TMTC4: variants seen among roughly 807,000 people sequenced by gnomAD.
The protein encoded by TMTC4 is transmembrane O-mannosyltransferase targeting cadherins 4.
Under a neutral mutation model 86.0 loss-of-function variants are expected in TMTC4, and 65 were observed. The observed-to-expected ratio is 0.76, with a 90% CI of 0.62 to 0.93. TMTC4 has a LOEUF of 0.93. TMTC4 is among the 40% of genes least tolerant of loss of function. The pLI is 0.00. For missense variants in TMTC4, 866 were observed against 948.1 expected (o/e 0.91, Z 1.14); for synonymous variants, 379 against 382.5 (o/e 0.99, Z 0.11).
chr13:100,646,801 G>A (rs1034300164), intron 6 of TMTC4, among the ~76,000 whole-genome samples: 2 of 152,060 alleles, frequency 1.3e-5, no homozygotes, highest in African/African-American at 4.8e-5. Context: ...TCACAATAAG[G>A]AGCCACAACA....
intron 6 of TMTC4, among the ~76,000 whole-genome samples, chr13:100,642,821 C>T (rs1883206765): frequency 6.6e-6 from 1 of 152,202 alleles, no homozygotes; most frequent in African/African-American, 2.4e-5. Context: ...GATGGGTCTG[C>T]TCTGCTCCCT....
At chr13:100,666,233 C>T (rs1886383385) in intron 3 of TMTC4, 2 of 347,934 alleles carry the variant, frequency 5.7e-6, no homozygotes, top group Admixed American at 3.8e-5. Flanking sequence ...AAGGCAACTC[C>T]ACACTGCAAG....
At chr13:100,665,865 C>T (rs899817587) in intron 3 of TMTC4, 20 of 336,326 alleles carry the variant, frequency 5.9e-5, no homozygotes, top group Non-Finnish European at 1.1e-4. Flanking sequence ...CTTCAGAAGC[C>T]AGGAGCACAC....
intron 12 of TMTC4, 110 bp from the exon 13 acceptor site, chr13:100,626,260 A>G: frequency 2.4e-5 from 27 of 1,136,972 alleles, no homozygotes; most frequent in Non-Finnish European, 3.5e-5. Context: ...AGGAAAAAAA[A>G]TCACCCACCA....
chr13:100,623,482 C>T (rs765378905), intron 15 of TMTC4, among the ~76,000 whole-genome samples: 1 of 152,222 alleles, frequency 6.6e-6, no homozygotes, highest in Non-Finnish European at 1.5e-5. Context: ...ATCCGCCCGC[C>T]TTGGCCTCCC....
chr13:100,641,380 G>T (rs1164802862), intron 7 of TMTC4, among the ~76,000 whole-genome samples: 1 of 152,206 alleles, frequency 6.6e-6, no homozygotes, highest in Non-Finnish European at 1.5e-5. Flanking sequence ...ATAACCATAG[G>T]TAACCGCTGG....
At chr13:100,619,661 ATGT>A (rs1221964172) in intron 15 of TMTC4, among the ~76,000 whole-genome samples, 1 of 152,250 alleles carries the variant, frequency 6.6e-6, no homozygotes, top group Non-Finnish European at 1.5e-5. Flanking sequence ...TTTGCTAAAG[ATGT>A]TGTGGGAATT....
intron 15 of TMTC4, among the ~76,000 whole-genome samples, chr13:100,614,726 C>T (rs1878202058): frequency 6.6e-6 from 1 of 152,280 alleles, no homozygotes; most frequent in South Asian, 2.1e-4. Context: ...GGAATAAGAA[C>T]AAGGTCCGAA....
chr13:100,626,857 G>T (rs1880622260), intron 12 of TMTC4, among the ~76,000 whole-genome samples: 1 of 152,198 alleles, frequency 6.6e-6, no homozygotes, highest in Non-Finnish European at 1.5e-5. Flanking sequence ...AAATTCAGAT[G>T]TTGAAATCCT....
intron 6 of TMTC4, among the ~76,000 whole-genome samples, chr13:100,646,216 G>A (rs1043659466): frequency 1.3e-5 from 2 of 152,164 alleles, no homozygotes; most frequent in African/African-American, 4.8e-5. Flanking sequence ...GCCTGTTCAC[G>A]GCTGGACGGC....
chr13:100,614,968 C>T, intron 15 of TMTC4: 1 of 984,552 alleles, frequency 1.0e-6, no homozygotes, highest in African/African-American at 1.7e-5. Flanking sequence ...CTGCCTGTGT[C>T]TAAAGTAAAT....
At position 100,612,483 on chromosome 13, in the gene TMTC4, C is replaced by G. The variant is rs1176085635; in HGVS notation, c.1979G>C (p.Gly660Ala). ...AGGTATTAATTCCAGTGCCTCTCTT[C>G]CAACTGCTTCAGCTTGGGCTAAATT... ...TGNLAQAEAV[G>A]REALELIPND... The change falls in exon 17 of 19, where the codon GGA becomes GCA. Residue 660 changes from glycine (G) to alanine (A), a missense_variant. Transcript: ENST00000342624. 1 of 1,611,266 alleles carries G rather than the reference C, an allele frequency of 6.2e-7. No individual in the cohort carries two copies. The highest frequency in any genetic ancestry group is 8.5e-7 in the Non-Finnish European group (1 of 1,179,194).
chr13:100,611,987 ATGTGCAAG>A (rs1333051849), intron 17 of TMTC4, among the ~76,000 whole-genome samples: 2 of 152,178 alleles, frequency 1.3e-5, no homozygotes, highest in African/African-American at 4.8e-5. Context: ...GCTCCAGCCC[ATGTGCAAG>A]TGACAGAGTC....
intron 16 of TMTC4, 52 bp downstream of exon 16, chr13:100,614,264 C>T: frequency 2.2e-6 from 3 of 1,348,622 alleles, no homozygotes; most frequent in Non-Finnish European, 3.1e-6. Context: ...TCTTCGGTGG[C>T]ATTTTACTGT....
intron 6 of TMTC4, among the ~76,000 whole-genome samples, chr13:100,643,231 G>A (rs1026076435): frequency 6.6e-6 from 1 of 152,210 alleles, no homozygotes; most frequent in African/African-American, 2.4e-5. Flanking sequence ...GGTATCAAGT[G>A]GGACAAAAGC....
chr13:100,668,509 C>A, intron 3 of TMTC4, 70 bp downstream of exon 3: 1 of 1,471,850 alleles, frequency 6.8e-7, no homozygotes, highest in Non-Finnish European at 9.4e-7. Flanking sequence ...AACAATGCAA[C>A]ACATACTTAG....
intron 10 of TMTC4, among the ~76,000 whole-genome samples, chr13:100,636,071 AATAACTTTTTTTTCCATCAAGAAAG>A (rs1882161391): frequency 6.6e-6 from 1 of 152,160 alleles, no homozygotes; most frequent in African/African-American, 2.4e-5. Flanking sequence ...TTATTTTCTC[AATAACTTTTTTTTCCATCAAGAAAG>A]AACAGTCTCT....
intron 7 of TMTC4, 26 bp downstream of exon 7, chr13:100,642,185 G>A: frequency 6.2e-7 from 1 of 1,611,850 alleles, no homozygotes; most frequent in Non-Finnish European, 8.5e-7. Context: ...AGAAAAAGCA[G>A]GCCCCAGCCA....
intron 6 of TMTC4, among the ~76,000 whole-genome samples, chr13:100,654,673 G>C (rs1423518511): frequency 6.6e-6 from 1 of 152,062 alleles, no homozygotes; most frequent in Non-Finnish European, 1.5e-5. Context: ...AAAATGTCTA[G>C]CCTTTTCACT....
Sources: allele counts gnomAD v4.1 joint callset (sites outside exome capture counted in the v4.1 genomes callset), GRCh38; gene constraint gnomAD v4.1.1; transcripts MANE v1.5; gene names NCBI Gene and HGNC (gene_info 2026-07-23, HGNC 2026-07-21).